Variants in VPS37A observed in about 807,000 individuals in gnomAD.
VPS37A encodes VPS37A subunit of ESCRT-I.
VPS37A carries 30 observed loss-of-function variants against 49.8 expected under a neutral mutation model. That is an observed-to-expected ratio of 0.60 (90% CI 0.45 to 0.82). The LOEUF is 0.82. Among genes scored for constraint, VPS37A ranks in the 40% least tolerant of loss-of-function variants. VPS37A has a pLI of 0.00. For missense variants in VPS37A, 593 were observed against 464.4 expected (o/e 1.28, Z -2.55); for synonymous variants, 195 against 160.6 (o/e 1.21, Z -1.62).
the VPS37A span, among the ~76,000 whole-genome samples, chr8:17,329,608 T>G: frequency 1.3e-5 from 2 of 152,228 alleles, no homozygotes; most frequent in East Asian, 3.8e-4. Context: ...AATATTTATG[T>G]TCTCCAGGTC....
chr8:17,309,184 AAAC>A, the VPS37A span: 1 of 880,564 alleles, frequency 1.1e-6, no homozygotes, highest in Non-Finnish European at 1.8e-6. Flanking sequence ...CAAACTCAAA[AAAC>A]AAGACGATTT....
downstream of VPS37A, among the ~76,000 whole-genome samples, chr8:17,305,030 C>T (rs986342939): frequency 6.6e-6 from 1 of 152,252 alleles, no homozygotes; most frequent in East Asian, 1.9e-4. Context: ...TACAAGAAAA[C>T]AGGTGACCCT....
At chr8:17,256,641 T>TATTC (rs1303741719) in intron 1 of VPS37A, among the ~76,000 whole-genome samples, 1 of 150,704 alleles carries the variant, frequency 6.6e-6, no homozygotes, top group Non-Finnish European at 1.5e-5. Flanking sequence ...TTTATTTATT[T>TATTC]ATTTATTTAT....
At chr8:17,277,553 A>C (rs901585973) in intron 6 of VPS37A, among the ~76,000 whole-genome samples, 1 of 151,986 alleles carries the variant, frequency 6.6e-6, no homozygotes, top group Non-Finnish European at 1.5e-5. Context: ...ATGAGTCACC[A>C]TTATTCTAAA....
intron 6 of VPS37A, 129 bp from the exon 7 acceptor site, chr8:17,279,899 C>A (rs764512792): frequency 1.4e-5 from 16 of 1,112,966 alleles, no homozygotes; most frequent in Admixed American, 3.8e-5. Context: ...AAACTGGCAG[C>A]CTTAGGTGTA....
intron 6 of VPS37A, among the ~76,000 whole-genome samples, chr8:17,278,965 G>A (rs975714648): frequency 6.6e-6 from 1 of 151,872 alleles, no homozygotes; most frequent in Non-Finnish European, 1.5e-5. Flanking sequence ...ATCCATATCT[G>A]CTCCACCTAG....
At chr8:17,265,683 C>A in intron 1 of VPS37A, 3 of 1,230,836 alleles carry the variant, frequency 2.4e-6, no homozygotes, top group African/African-American at 1.5e-5. Context: ...TTTACATCAT[C>A]ATCCCCCTTC....
intron 4 of VPS37A, among the ~76,000 whole-genome samples, chr8:17,271,697 G>C (rs1394041103): frequency 2.0e-5 from 3 of 152,116 alleles, no homozygotes; most frequent in African/African-American, 7.2e-5. Context: ...CAAATAAGCT[G>C]TTGGGCTTCC....
chr8:17,283,359 T>C (rs1280189976), intron 9 of VPS37A, among the ~76,000 whole-genome samples: 1 of 152,092 alleles, frequency 6.6e-6, no homozygotes, highest in Non-Finnish European at 1.5e-5. Flanking sequence ...TCTCGCTATG[T>C]TGCCCAGCCT....
chr8:17,333,240 G>GAA, the VPS37A span, among the ~76,000 whole-genome samples: 1 of 151,898 alleles, frequency 6.6e-6, no homozygotes, highest in African/African-American at 2.4e-5. Context: ...CCTTAATCAA[G>GAA]AAAAAAATAT....
At chr8:17,309,220 T>A in the VPS37A span, 2 of 1,176,162 alleles carry the variant, frequency 1.7e-6, no homozygotes, top group Non-Finnish European at 2.5e-6. Context: ...TCAATTGAAA[T>A]TTTCAGAAAC....
chr8:17,258,335 C>A (rs755141642), intron 1 of VPS37A, among the ~76,000 whole-genome samples: 1 of 152,026 alleles, frequency 6.6e-6, no homozygotes, highest in Admixed American at 6.6e-5. Flanking sequence ...ATACCCAGTT[C>A]GATGAGGGTT....
intron 1 of VPS37A, among the ~76,000 whole-genome samples, chr8:17,260,913 C>T (rs1291849876): frequency 1.3e-5 from 2 of 152,118 alleles, no homozygotes; most frequent in Non-Finnish European, 2.9e-5. Context: ...TTGTGCTTCA[C>T]CTTTGAGAGT....
chr8:17,303,646 G>A (rs376932096), downstream of VPS37A, among the ~76,000 whole-genome samples: 3 of 141,356 alleles, frequency 2.1e-5, no homozygotes, highest in East Asian at 2.0e-4. Flanking sequence ...TTTTGCTCTT[G>A]TTGCCCAGGC....
chr8:17,305,990 C>T (rs1397930575), downstream of VPS37A: 2 of 1,534,578 alleles, frequency 1.3e-6, no homozygotes, highest in African/African-American at 1.4e-5. Context: ...CTTTTTAAGG[C>T]AGATTTATTT....
rs1811338690 is a variant in VPS37A, at chr8:17,247,378, TCGCTG to T, written c.125+11_125+15del. On this transcript the variant is annotated intron_variant, in intron 1 of 11. Coordinates refer to ENST00000324849, the MANE Select transcript of VPS37A (RefSeq NM_152415.3). ...CGGAACTCACACTCCAGGTGACTGG[TCGCTG>T]CCTCTCCACCGGAGGAAAAAGTAGG... 3.6e-6 allele frequency: 4 copies of T among 1,118,432 alleles called. No individual in the cohort carries two copies. In the South Asian group the frequency reaches 5.2e-5, roughly 15 times the overall value. The allele number at this position is 1,118,432 out of a possible 1,614,324, so 69.3% of individuals were successfully genotyped here. A position where few individuals can be genotyped will look rare whatever the true frequency, so the allele number is the denominator to read the frequency against.
At chr8:17,282,046 A>C (rs1244725562) in intron 9 of VPS37A, among the ~76,000 whole-genome samples, 1 of 152,082 alleles carries the variant, frequency 6.6e-6, no homozygotes, top group Non-Finnish European at 1.5e-5. Context: ...GTTTATTCTA[A>C]AGTTCATCTG....
the VPS37A span, among the ~76,000 whole-genome samples, chr8:17,330,501 G>A: frequency 6.6e-6 from 1 of 152,264 alleles, no homozygotes; most frequent in African/African-American, 2.4e-5. Flanking sequence ...AGCTGGTTTT[G>A]CTTGAAATGC....
At chr8:17,261,283 A>G (rs982490995) in intron 1 of VPS37A, among the ~76,000 whole-genome samples, 16 of 152,174 alleles carry the variant, frequency 1.1e-4, no homozygotes, top group African/African-American at 3.9e-4. Context: ...TCAGTTCAGC[A>G]AACATATTTC....
Sources: gnomAD v4.1 joint callset for allele counts (sites outside exome capture counted in the v4.1 genomes callset) on GRCh38, gnomAD v4.1.1 for gene constraint, MANE v1.5 for transcripts, NCBI Gene and HGNC (gene_info 2026-07-23, HGNC 2026-07-21) for gene names.